SASH1: variants seen among roughly 807,000 people sequenced by gnomAD.
The protein encoded by SASH1 is SAM and SH3 domain-containing protein 1.
A neutral mutation model predicts 125.2 loss-of-function variants in SASH1; 44 were observed. The ratio of observed to expected loss-of-function variants is 0.35; its 90% confidence interval spans 0.28 to 0.45. The LOEUF is 0.45. Among genes scored for constraint, SASH1 ranks in the 20% least tolerant of loss-of-function variants. The probability of loss-of-function intolerance (pLI) is 1.00; values close to 1 mark genes in which losing one functional copy is unlikely to be tolerated. For missense variants in SASH1, 1,426 were observed against 1,614.5 expected, an observed-to-expected ratio of 0.88 and a Z score of 2.00; for synonymous variants, 639 against 649.1, an observed-to-expected ratio of 0.98 and a Z score of 0.24.
At chr6:148,426,272 C>G (rs60669740) in intron 2 of SASH1, among the ~76,000 whole-genome samples, 6,960 of 151,672 alleles carry the variant, frequency 0.046, 209 homozygotes, top group East Asian at 0.075. Context: ...AAAATTTTCT[C>G]AGTTTCTCCT....
intron 1 of SASH1, among the ~76,000 whole-genome samples, chr6:148,307,412 G>T (rs1780175613): frequency 6.6e-6 from 1 of 151,948 alleles, no homozygotes. Context: ...CACCGCACCT[G>T]GCCAGCACAA....
chr6:148,500,606 C>T (rs886232084), intron 8 of SASH1, among the ~76,000 whole-genome samples: 3 of 152,196 alleles, frequency 2.0e-5, no homozygotes, highest in African/African-American at 7.2e-5. Flanking sequence ...TTTGGAGTCA[C>T]ATGAAAGGAT....
chr6:148,261,349 G>A, the SASH1 span, among the ~76,000 whole-genome samples: 3 of 152,262 alleles, frequency 2.0e-5, no homozygotes, highest in South Asian at 6.2e-4. Context: ...CATCTGCTGG[G>A]TCTCCATGTC....
intron 2 of SASH1, among the ~76,000 whole-genome samples, chr6:148,398,864 C>A (rs1245378315): frequency 6.6e-6 from 1 of 152,178 alleles, no homozygotes; most frequent in Non-Finnish European, 1.5e-5. Context: ...GATGGTAATA[C>A]AGTTCTGTGC....
At chr6:148,344,760 T>C (rs11155562) in intron 1 of SASH1, among the ~76,000 whole-genome samples, 110,098 of 147,734 alleles carry the variant, frequency 0.75, 41,484 homozygotes, top group East Asian at 0.9. Context: ...CTTTTCTTTT[T>C]TTTTTTTTTT....
intron 1 of SASH1, among the ~76,000 whole-genome samples, chr6:148,373,823 A>G (rs887856587): frequency 6.6e-6 from 1 of 152,202 alleles, no homozygotes; most frequent in Admixed American, 6.5e-5. Context: ...ATACAAAAAA[A>G]TTAGTTGAGC....
rs368010816 is a variant in SASH1 at position 148,275,392 on chromosome 6, T to C, written n.74+3015T>C. Among the ~76,000 whole-genome samples, 5 of 152,300 alleles carry C rather than the reference T, an allele frequency of 3.3e-5. No homozygotes were observed. The South Asian group carries it at 8.3e-4, about 25-fold the overall frequency. On this transcript the variant is annotated intron_variant and non_coding_transcript_variant, in intron 1 of 3. Coordinates refer to the SASH1 transcript ENST00000367469. Reference sequence around the variant, plus strand: ...GGCTGAAGTCCAAGAAAATTATTTGTATGTACTTTTCCACTTGTGGTTTCT... The same window carrying C: ...GGCTGAAGTCCAAGAAAATTATTTGCATGTACTTTTCCACTTGTGGTTTCT...
intron 19 of SASH1, among the ~76,000 whole-genome samples, chr6:148,547,255 A>C (rs904607337): frequency 6.6e-6 from 1 of 152,178 alleles, no homozygotes; most frequent in Non-Finnish European, 1.5e-5. Context: ...CATTACCGCA[A>C]CAGTTGATCT....
At chr6:148,211,585 A>AG in the SASH1 span, among the ~76,000 whole-genome samples, 2 of 152,238 alleles carry the variant, frequency 1.3e-5, no homozygotes, top group Non-Finnish European at 2.9e-5. Flanking sequence ...GGAAAAAAAA[A>AG]AAAAGCACTA....
At chr6:148,206,982 G>T in the SASH1 span, among the ~76,000 whole-genome samples, 4 of 152,116 alleles carry the variant, frequency 2.6e-5, no homozygotes, top group Non-Finnish European at 5.9e-5. Flanking sequence ...TGCCCCCTCT[G>T]TTCAAAGTTT....
chr6:148,386,751 G>T (rs1783384882), intron 1 of SASH1, among the ~76,000 whole-genome samples: 1 of 152,192 alleles, frequency 6.6e-6, no homozygotes, highest in Admixed American at 6.5e-5. Flanking sequence ...GATCAGATCT[G>T]TAACTCATAA....
chr6:148,472,588 C>T (rs1039520910), intron 6 of SASH1, among the ~76,000 whole-genome samples: 18 of 152,120 alleles, frequency 1.2e-4, no homozygotes, highest in Admixed American at 6.5e-5. Context: ...CTGCCATTTG[C>T]GGTGACACAG....
rs35854127 is a variant in SASH1, at chr6:148,476,274, C to CAAAAA, written c.627+2067_627+2071dup. On this transcript the variant is annotated intron_variant, in intron 7 of 19. Coordinates refer to ENST00000367467, the MANE Select transcript of SASH1 (RefSeq NM_015278.5). ...AAACATTGATGCAAGAAAAGGACAC[C>CAAAAA]AAAAAAAAAAAAAAAAAAAGGAAAG... 1.4e-3 allele frequency among the ~76,000 whole-genome samples: 126 copies of CAAAAA among 88,088 alleles called. 1 individual carries two copies. Among genetic ancestry groups the CAAAAA allele is most frequent in the Admixed American group, 1.6e-3 (13 of 8,010 alleles). 57.8% of individuals were successfully genotyped at this position (88,088 alleles called of 152,430 possible). A position where few individuals can be genotyped will look rare whatever the true frequency, so the allele number is the denominator to read the frequency against.
Position 148,514,386 on chromosome 6 carries a change from G to A in SASH1, c.792G>A (p.Leu264=), listed in dbSNP as rs781675595. 4.4e-6 allele frequency: 7 copies of A among 1,583,786 alleles called. No individual in the cohort carries two copies. The highest frequency in any genetic ancestry group is 6.0e-6 in the Non-Finnish European group (7 of 1,163,450). Residue 264 remains leucine (L), a synonymous_variant, in exon 9 of 20, where the codon CTG becomes CTA. Coordinates refer to ENST00000367467, the MANE Select transcript of SASH1 (RefSeq NM_015278.5). The part of the protein sequence containing the change: ...ESVKFKRLHK[L]VNSTRRVRKK... Reference sequence around the variant, plus strand: ...TGAAGTTTAAGAGGTTACACAAGCTGGTAAACTCCACTCGCAGAGTCAGAA... The same window carrying A: ...TGAAGTTTAAGAGGTTACACAAGCTAGTAAACTCCACTCGCAGAGTCAGAA...
At chr6:148,234,841 AAAG>A in the SASH1 span, among the ~76,000 whole-genome samples, 50 of 152,016 alleles carry the variant, frequency 3.3e-4, no homozygotes, top group Admixed American at 2.4e-3. Context: ...AAAAAAAAAA[AAAG>A]AAGGAGGAGG....
the SASH1 span, among the ~76,000 whole-genome samples, chr6:148,218,495 C>T: frequency 3.9e-5 from 6 of 152,210 alleles, no homozygotes; most frequent in Non-Finnish European, 8.8e-5. Context: ...CATTCCTCTA[C>T]TTTGTTGGTT....
the SASH1 span, among the ~76,000 whole-genome samples, chr6:148,258,730 A>G: frequency 6.6e-6 from 1 of 152,206 alleles, no homozygotes; most frequent in Non-Finnish European, 1.5e-5. Flanking sequence ...CTTCTCGGAT[A>G]GTTTTCACTG....
intron 17 of SASH1, among the ~76,000 whole-genome samples, chr6:148,542,851 AGTGTGTGT>A (rs56094441): frequency 1.1e-3 from 164 of 149,372 alleles, no homozygotes; most frequent in East Asian, 5.6e-3. Context: ...AACAAGGGAC[AGTGTGTGT>A]GTGTGTGTGT....
chr6:148,200,374 G>A, the SASH1 span, among the ~76,000 whole-genome samples: 4 of 152,164 alleles, frequency 2.6e-5, no homozygotes, highest in African/African-American at 9.7e-5. Context: ...TCAAGGCTGC[G>A]CTGCCTCCCA....
Sources: allele counts gnomAD v4.1 joint callset (sites outside exome capture counted in the v4.1 genomes callset), GRCh38; gene constraint gnomAD v4.1.1; transcripts MANE v1.5; gene names NCBI Gene and HGNC (gene_info 2026-07-23, HGNC 2026-07-21).